SHC3: variants seen among roughly 807,000 people sequenced by gnomAD.
SHC3 encodes SHC adaptor protein 3.
Under a neutral mutation model 60.4 loss-of-function variants are expected in SHC3, and 15 were observed. The ratio of observed to expected loss-of-function variants is 0.25; its 90% confidence interval spans 0.17 to 0.38. The LOEUF (loss-of-function observed/expected upper bound fraction) is 0.38, where lower values mean the gene tolerates loss of function less well. Ranked by LOEUF, SHC3 falls within the 10% of genes least tolerant of loss-of-function variation. The pLI, the probability that SHC3 is intolerant of heterozygous loss-of-function variation, is 1.00. For synonymous variants in SHC3, 294 were observed against 325.9 expected (o/e 0.90, Z 1.05); for missense variants, 677 against 786.1 (o/e 0.86, Z 1.66).
chr9:89,178,511 C>G lies in SHC3; in HGVS notation c.-51G>C. 1 of 1,407,152 alleles carries G rather than the reference C, an allele frequency of 7.1e-7. No homozygotes were observed. The highest frequency in any genetic ancestry group is 9.3e-7 in the Non-Finnish European group (1 of 1,074,682). The allele number at this position is 1,407,152 out of a possible 1,614,324, so 87.2% of individuals were successfully genotyped here. On this transcript the variant is annotated 5_prime_UTR_variant, in exon 1 of 12. Coordinates refer to ENST00000375835, the MANE Select transcript of SHC3 (RefSeq NM_016848.6). The surrounding 1 kb of genome is among the most constrained non-coding windows in gnomAD (Gnocchi z 6.9). The stretch of plus-strand genomic sequence containing the variant: ...GCCCGGGCGCTGCTGGTGCCGGCCC[C>G]GGCGCGGGCTGCCGCGCATAGCAGG...
intron 1 of SHC3, among the ~76,000 whole-genome samples, chr9:89,129,845 T>A (rs1564166318): frequency 6.6e-6 from 1 of 152,152 alleles, no homozygotes; most frequent in Non-Finnish European, 1.5e-5. Flanking sequence ...AGAAACTGCA[T>A]CAACTAACGA....
intron 2 of SHC3, among the ~76,000 whole-genome samples, chr9:89,105,225 G>A (rs1296568885): frequency 6.6e-6 from 1 of 152,130 alleles, no homozygotes; most frequent in Non-Finnish European, 1.5e-5. Context: ...TGAAGGATGT[G>A]AGCCCCCTTA....
chr9:89,109,340 C>T, intron 2 of SHC3: 2 of 918,576 alleles, frequency 2.2e-6, no homozygotes, highest in Non-Finnish European at 1.3e-6. Flanking sequence ...GTTGGCCCCT[C>T]CCTTTCAGGA....
chr9:89,059,357 GTAGTGGAGGAT>G (rs1825026355), intron 6 of SHC3, among the ~76,000 whole-genome samples: 1 of 124,098 alleles, frequency 8.1e-6, no homozygotes, highest in African/African-American at 5.7e-5. Flanking sequence ...GGTGGAGGAT[GTAGTGGAGGAT>G]GCGGTGGAGG....
chr9:89,063,475 C>A (rs941926763), intron 6 of SHC3, among the ~76,000 whole-genome samples: 6 of 152,192 alleles, frequency 3.9e-5, no homozygotes, highest in Non-Finnish European at 1.5e-5. Context: ...CTTAGCCCGG[C>A]CTTTCAGAGC....
chr9:89,114,830 A>G (rs1247752315), intron 1 of SHC3, among the ~76,000 whole-genome samples: 2 of 152,198 alleles, frequency 1.3e-5, no homozygotes, highest in Non-Finnish European at 2.9e-5. Flanking sequence ...TTACATGTTT[A>G]TAAGACTACC....
intron 1 of SHC3, among the ~76,000 whole-genome samples, chr9:89,154,418 C>T (rs1826592447): frequency 6.6e-6 from 1 of 152,250 alleles, no homozygotes; most frequent in African/African-American, 2.4e-5. Context: ...CAGTGCAGCC[C>T]AGCACACAGG....
chr9:89,013,180 A>C lies in SHC3; in HGVS notation c.*267T>G. On this transcript the variant is annotated 3_prime_UTR_variant, in exon 12 of 12. Coordinates refer to ENST00000375835, the MANE Select transcript of SHC3 (RefSeq NM_016848.6). Reference sequence around the variant, plus strand: ...TCATTAAAAACATACAGCACAGAACATTAGTCTTACATCTTTCTTAGTCTT... The same window carrying C: ...TCATTAAAAACATACAGCACAGAACCTTAGTCTTACATCTTTCTTAGTCTT... The C allele has an allele frequency of 7.2e-6, 2 of 278,626 alleles. No homozygotes were observed. The allele number at this position is 278,626 out of a possible 1,614,324, so 17.3% of individuals were successfully genotyped here.
intron 1 of SHC3, among the ~76,000 whole-genome samples, chr9:89,165,628 C>A (rs1471793323): frequency 6.6e-6 from 1 of 150,836 alleles, no homozygotes; most frequent in Non-Finnish European, 1.5e-5. Flanking sequence ...AGGTTGGTGA[C>A]AACAGATGTA....
chr9:89,161,355 C>A, intron 1 of SHC3, among the ~76,000 whole-genome samples: 1 of 152,128 alleles, frequency 6.6e-6, no homozygotes, highest in East Asian at 1.9e-4. Flanking sequence ...GTGCCTACTC[C>A]CCACGTCACC....
intron 1 of SHC3, among the ~76,000 whole-genome samples, chr9:89,151,572 G>C (rs756788417): frequency 1.3e-5 from 2 of 152,082 alleles, no homozygotes; most frequent in African/African-American, 4.8e-5. Context: ...CCCAGTTTAA[G>C]GTATTTTTGT....
chr9:89,040,468 T>C (rs2117886479), intron 10 of SHC3, among the ~76,000 whole-genome samples: 1 of 152,104 alleles, frequency 6.6e-6, no homozygotes, highest in East Asian at 1.9e-4. Context: ...GGGAAAAGGG[T>C]AGCTCTGGTT....
chr9:89,097,004 G>T (rs144515992), intron 2 of SHC3, among the ~76,000 whole-genome samples: 360 of 151,512 alleles, frequency 2.4e-3, no homozygotes, highest in African/African-American at 8.2e-3. Context: ...CCACCAGAGA[G>T]GGCGCTGCAG....
At chr9:89,131,030 AAG>A (rs576873406) in intron 1 of SHC3, among the ~76,000 whole-genome samples, 207 of 152,290 alleles carry the variant, frequency 1.4e-3, no homozygotes, top group African/African-American at 4.8e-3. Flanking sequence ...TAAAGAAGAA[AAG>A]AGAGAACAAT....
intron 11 of SHC3, among the ~76,000 whole-genome samples, chr9:89,019,518 T>TA (rs545113314): frequency 6.4e-4 from 98 of 152,114 alleles, no homozygotes; most frequent in Non-Finnish European, 1.1e-3. Context: ...CCTGAAAGAA[T>TA]AAAAAAAATC....
chr9:89,119,147 T>C (rs1662061058), intron 1 of SHC3, among the ~76,000 whole-genome samples: 2 of 152,076 alleles, frequency 1.3e-5, no homozygotes, highest in African/African-American at 2.4e-5. Context: ...AAAAATTATG[T>C]TTATATATGT....
chr9:89,038,881 G>T (rs923380173), intron 10 of SHC3, among the ~76,000 whole-genome samples: 13 of 152,172 alleles, frequency 8.5e-5, no homozygotes, highest in Non-Finnish European at 5.9e-5. Context: ...ACCTTCACTT[G>T]TTTCCCTGTG....
chr9:89,086,137 T>C (rs1305192960), intron 2 of SHC3, among the ~76,000 whole-genome samples: 1 of 152,214 alleles, frequency 6.6e-6, no homozygotes, highest in Admixed American at 6.5e-5. Flanking sequence ...TGTTTTCCTC[T>C]GCTGTCACAC....
chr9:89,094,937 C>A (rs562223113), intron 2 of SHC3, among the ~76,000 whole-genome samples: 63 of 150,562 alleles, frequency 4.2e-4, no homozygotes, highest in African/African-American at 1.1e-3. Context: ...ACAACAACAA[C>A]AAAAAAAACC....
Sources: gnomAD v4.1 joint callset for allele counts (sites outside exome capture counted in the v4.1 genomes callset) on GRCh38, gnomAD v4.1.1 for gene constraint, Gnocchi (gnomAD v3.1) non-coding constraint, MANE v1.5 for transcripts, NCBI Gene and HGNC (gene_info 2026-07-23, HGNC 2026-07-21) for gene names.